Variants in FAT3 observed in about 807,000 individuals in gnomAD.
The protein encoded by FAT3 is protocadherin Fat 3.
Under a neutral mutation model 310.2 loss-of-function variants are expected in FAT3, and 95 were observed. The ratio of observed to expected loss-of-function variants is 0.31; its 90% CI spans 0.26 to 0.36. The LOEUF (loss-of-function observed/expected upper bound fraction) is 0.36, where lower values mean the gene tolerates loss of function less well. Among genes scored for constraint, FAT3 ranks in the 10% least tolerant of loss-of-function variants. FAT3 has a pLI of 1.00. For missense variants in FAT3, 5,408 were observed against 5,715.6 expected (o/e 0.95, Z 1.74); for synonymous variants, 2,314 against 2,192.9 (o/e 1.06, Z -1.54).
intron 2 of FAT3, among the ~76,000 whole-genome samples, chr11:92,477,490 A>G (rs961601466): frequency 1.3e-5 from 2 of 152,162 alleles, no homozygotes; most frequent in South Asian, 2.1e-4. Flanking sequence ...TCTTATAGGC[A>G]TGTCTTTAAA....
chr11:92,536,183 G>C (rs1954253889), intron 3 of FAT3, among the ~76,000 whole-genome samples: 1 of 152,070 alleles, frequency 6.6e-6, no homozygotes, highest in African/African-American at 2.4e-5. Flanking sequence ...TATTAATATT[G>C]AGGTAGATTA....
At chr11:92,706,030 G>C (rs997477424) in intron 4 of FAT3, among the ~76,000 whole-genome samples, 3 of 151,600 alleles carry the variant, frequency 2.0e-5, no homozygotes, top group Admixed American at 1.3e-4. Flanking sequence ...TGTGACTATA[G>C]TGGTGGCAGT....
intron 2 of FAT3, among the ~76,000 whole-genome samples, chr11:92,404,996 T>C (rs1209715607): frequency 2.0e-5 from 3 of 152,112 alleles, no homozygotes; most frequent in Admixed American, 2.0e-4. Context: ...CCGACTTTCC[T>C]GGGCCTCCAG....
At chr11:92,578,280 T>C in intron 3 of FAT3, among the ~76,000 whole-genome samples, 1 of 152,120 alleles carries the variant, frequency 6.6e-6, no homozygotes, top group East Asian at 1.9e-4. Flanking sequence ...GTGAGTGTGC[T>C]AAATCATTTT....
At chr11:92,512,857 T>TC (rs1299729188) in intron 2 of FAT3, among the ~76,000 whole-genome samples, 7,392 of 91,972 alleles carry the variant, frequency 0.08, 557 homozygotes, top group Middle Eastern at 0.11. Context: ...GCGCGGTGGC[T>TC]CACGCCTGTA....
intron 3 of FAT3, among the ~76,000 whole-genome samples, chr11:92,680,622 T>G (rs186889401): frequency 3.9e-5 from 6 of 152,064 alleles, no homozygotes; most frequent in South Asian, 4.1e-4. Flanking sequence ...AATTTTACGG[T>G]TTTTTTTCCT....
intron 3 of FAT3, among the ~76,000 whole-genome samples, chr11:92,563,339 G>A (rs1267256553): frequency 6.6e-6 from 1 of 152,152 alleles, no homozygotes; most frequent in African/African-American, 2.4e-5. Context: ...TAACACAGTG[G>A]CCTTCCAACT....
intron 2 of FAT3, among the ~76,000 whole-genome samples, chr11:92,518,586 A>G (rs1953573663): frequency 6.6e-6 from 1 of 152,008 alleles, no homozygotes; most frequent in African/African-American, 2.4e-5. Flanking sequence ...GGTGCAGCAA[A>G]TCACCATGGC....
chr11:92,491,261 A>G (rs1429590976), intron 2 of FAT3, among the ~76,000 whole-genome samples: 1 of 152,064 alleles, frequency 6.6e-6, no homozygotes, highest in Non-Finnish European at 1.5e-5. Context: ...CCTAAGGGAC[A>G]TTGGCCTATA....
chr11:92,411,089 G>T (rs1381003272), intron 2 of FAT3, among the ~76,000 whole-genome samples: 3 of 105,672 alleles, frequency 2.8e-5, no homozygotes, highest in Admixed American at 1.2e-4. Context: ...GAACTATATA[G>T]ATTATATATA....
chr11:92,467,456 G>C (rs1175842406), intron 2 of FAT3, among the ~76,000 whole-genome samples: 1 of 151,788 alleles, frequency 6.6e-6, no homozygotes, highest in Non-Finnish European at 1.5e-5. Context: ...GCCTTTTTTT[G>C]TTAGCCCTTC....
intron 2 of FAT3, among the ~76,000 whole-genome samples, chr11:92,492,573 G>A (rs1253457222): frequency 6.6e-6 from 1 of 152,074 alleles, no homozygotes; most frequent in African/African-American, 2.4e-5. Context: ...AGTGTCCAGA[G>A]CACTTTAATC....
intron 3 of FAT3, among the ~76,000 whole-genome samples, chr11:92,620,423 T>C (rs1428732597): frequency 1.3e-5 from 2 of 152,230 alleles, no homozygotes; most frequent in African/African-American, 4.8e-5. Context: ...TTTGCATAGT[T>C]GTTCCATGGC....
intron 1 of FAT3, among the ~76,000 whole-genome samples, chr11:92,306,455 C>T (rs1426965316): frequency 7.2e-6 from 1 of 138,638 alleles, no homozygotes; most frequent in African/African-American, 2.7e-5. Context: ...TTCCAAGGCT[C>T]TCCACTTTAT....
intron 2 of FAT3, among the ~76,000 whole-genome samples, chr11:92,477,027 G>A (rs1007370188): frequency 6.6e-6 from 1 of 152,162 alleles, no homozygotes; most frequent in African/African-American, 2.4e-5. Context: ...TCTTTTAATT[G>A]TGTTGGAAAT....
chr11:92,541,829 A>C (rs1282116893), intron 3 of FAT3, among the ~76,000 whole-genome samples: 2 of 152,152 alleles, frequency 1.3e-5, no homozygotes, highest in African/African-American at 4.8e-5. Context: ...TTTTATAAAT[A>C]GGAGAAATAC....
At chr11:92,825,129 T>C (rs991409741) in intron 13 of FAT3, among the ~76,000 whole-genome samples, 1 of 152,232 alleles carries the variant, frequency 6.6e-6, no homozygotes, top group African/African-American at 2.4e-5. Flanking sequence ...TTCAAGGTTA[T>C]TTAATTCTTT....
chr11:92,675,665 A>G (rs757249060), intron 3 of FAT3, among the ~76,000 whole-genome samples: 3 of 152,152 alleles, frequency 2.0e-5, no homozygotes, highest in South Asian at 2.1e-4. Context: ...TATTTGTCCA[A>G]TTCTAAGTAA....
intron 2 of FAT3, among the ~76,000 whole-genome samples, chr11:92,467,121 G>A (rs543650710): frequency 0.03 from 4,535 of 152,142 alleles, 85 homozygotes; most frequent in South Asian, 0.056. Context: ...GGGTCAAATG[G>A]TATTTCTAGT....
Sources: gnomAD v4.1 joint callset for allele counts (sites outside exome capture counted in the v4.1 genomes callset) on GRCh38, gnomAD v4.1.1 for gene constraint, MANE v1.5 for transcripts, NCBI Gene and HGNC (gene_info 2026-07-23, HGNC 2026-07-21) for gene names.